The following ROBO2 variants were observed in gnomAD, a reference collection of about 807,000 sequenced individuals.
ROBO2 encodes the protein roundabout guidance receptor 2.
ROBO2 carries 53 observed loss-of-function variants against 160.8 expected under a neutral mutation model. The observed-to-expected ratio is 0.33, with a 90% confidence interval of 0.26 to 0.41. ROBO2 has a LOEUF of 0.41. Among genes scored for constraint, ROBO2 ranks in the 10% least tolerant of loss-of-function variants. The pLI, the probability that ROBO2 is intolerant of heterozygous loss-of-function variation, is 1.00. For missense variants in ROBO2, 1,577 were observed against 1,722.4 expected (o/e 0.92, Z 1.49); for synonymous variants, 664 against 611.7 (o/e 1.09, Z -1.26).
intron 2 of ROBO2, among the ~76,000 whole-genome samples, chr3:76,410,440 T>A (rs2075429241): frequency 6.6e-6 from 1 of 152,132 alleles, no homozygotes; most frequent in Non-Finnish European, 1.5e-5. Context: ...ATTTAGAATA[T>A]TGAAATGGAT....
intron 2 of ROBO2, among the ~76,000 whole-genome samples, chr3:76,607,800 C>T (rs76136616): frequency 0.014 from 2,197 of 152,310 alleles, 62 homozygotes; most frequent in African/African-American, 0.049. Flanking sequence ...TCTCTTATCA[C>T]GTAGAAAACA....
intron 2 of ROBO2, among the ~76,000 whole-genome samples, chr3:76,797,353 G>T (rs1231067906): frequency 6.6e-6 from 1 of 151,892 alleles, no homozygotes; most frequent in African/African-American, 2.4e-5. Context: ...GGTCAATGAA[G>T]AAATTAAGAA....
intron 2 of ROBO2, among the ~76,000 whole-genome samples, chr3:76,851,741 C>CA (rs71104629): frequency 0.073 from 4,566 of 62,310 alleles, 233 homozygotes; most frequent in South Asian, 0.099. Flanking sequence ...GACTCCGTCT[C>CA]AAAAAAAAAA....
chr3:76,207,769 T>A (rs1702901223), intron 2 of ROBO2, among the ~76,000 whole-genome samples: 1 of 152,220 alleles, frequency 6.6e-6, no homozygotes, highest in Non-Finnish European at 1.5e-5. Flanking sequence ...GCGATGTTTC[T>A]CTTATATGTA....
chr3:76,045,106 A>G (rs2067407855), intron 2 of ROBO2, among the ~76,000 whole-genome samples: 1 of 151,976 alleles, frequency 6.6e-6, no homozygotes, highest in African/African-American at 2.4e-5. Flanking sequence ...TTTTATTTTC[A>G]TCAAATCTTG....
At chr3:76,952,562 G>A (rs936398131) in intron 2 of ROBO2, among the ~76,000 whole-genome samples, 5 of 152,248 alleles carry the variant, frequency 3.3e-5, no homozygotes, top group East Asian at 1.9e-4. Context: ...GATTACAGGC[G>A]TGAGCCACTG....
chr3:76,464,514 T>C (rs1050511358), intron 2 of ROBO2, among the ~76,000 whole-genome samples: 1 of 151,740 alleles, frequency 6.6e-6, no homozygotes, highest in African/African-American at 2.4e-5. Context: ...CAATATATAC[T>C]CAATAAAACC....
At chr3:76,011,892 A>G (rs914968286) in intron 2 of ROBO2, among the ~76,000 whole-genome samples, 2 of 152,168 alleles carry the variant, frequency 1.3e-5, no homozygotes, top group African/African-American at 2.4e-5. Context: ...TAAGGATACA[A>G]TATTGTTTCC....
chr3:76,060,724 T>A, intron 2 of ROBO2, among the ~76,000 whole-genome samples: 1 of 152,222 alleles, frequency 6.6e-6, no homozygotes, highest in East Asian at 1.9e-4. Flanking sequence ...TTACAACTCT[T>A]GAATTTTTTC....
chr3:76,399,710 G>A (rs1312457844), intron 2 of ROBO2, among the ~76,000 whole-genome samples: 1 of 151,688 alleles, frequency 6.6e-6, no homozygotes, highest in African/African-American at 2.4e-5. Flanking sequence ...CAAAGAATAA[G>A]GGATAGAATA....
chr3:76,295,694 A>G (rs922084189), intron 2 of ROBO2, among the ~76,000 whole-genome samples: 3 of 152,194 alleles, frequency 2.0e-5, no homozygotes, highest in Non-Finnish European at 4.4e-5. Flanking sequence ...GCCTTTATCA[A>G]GAAAACATTA....
At position 76,413,796 on chromosome 3, in the gene ROBO2, A is replaced by G. The variant is rs1184162722; in HGVS notation, c.109+476194A>G. 2.6e-5 allele frequency among the ~76,000 whole-genome samples: 4 copies of G among 151,726 alleles called. No individual in the cohort carries two copies. The East Asian group carries it at 7.8e-4, about 29-fold the overall frequency. Reference sequence around the variant, plus strand: ...TGAGCCCTCCAAACTGTTCATTCCAACCTCTGCCTGTTACCCAGTTCCAAA... The same window carrying G: ...TGAGCCCTCCAAACTGTTCATTCCAGCCTCTGCCTGTTACCCAGTTCCAAA... On this transcript the variant is annotated intron_variant, in intron 2 of 26. Coordinates refer to the ROBO2 transcript ENST00000487694.
intron 17 of ROBO2, among the ~76,000 whole-genome samples, chr3:77,593,600 C>G (rs1583164945): frequency 6.6e-6 from 1 of 152,246 alleles, no homozygotes. Context: ...CCCTGATATG[C>G]TTTACTGTCT....
At chr3:76,147,105 C>G (rs1034703336) in intron 2 of ROBO2, among the ~76,000 whole-genome samples, 10 of 150,104 alleles carry the variant, frequency 6.7e-5, no homozygotes, top group Admixed American at 2.0e-4. Flanking sequence ...CACATGTACC[C>G]CAAACTTAAA....
At chr3:76,073,543 A>G (rs1028809877) in intron 2 of ROBO2, among the ~76,000 whole-genome samples, 4 of 152,022 alleles carry the variant, frequency 2.6e-5, no homozygotes, top group South Asian at 4.2e-4. Context: ...CACCCGCCTC[A>G]GCCTCCCAAA....
At chr3:76,304,897 T>C (rs1480010778) in intron 2 of ROBO2, among the ~76,000 whole-genome samples, 3 of 151,704 alleles carry the variant, frequency 2.0e-5, no homozygotes, top group Non-Finnish European at 4.4e-5. Flanking sequence ...ACTGGGCCCT[T>C]TCCAGCACTC....
chr3:76,594,264 A>G (rs1253318998), intron 2 of ROBO2, among the ~76,000 whole-genome samples: 1 of 151,986 alleles, frequency 6.6e-6, no homozygotes, highest in African/African-American at 2.4e-5. Flanking sequence ...TCCTAACCTA[A>G]CCTAATGCTT....
chr3:76,789,892 C>T (rs1305643485), intron 2 of ROBO2, among the ~76,000 whole-genome samples: 3 of 151,578 alleles, frequency 2.0e-5, no homozygotes, highest in Non-Finnish European at 4.4e-5. Flanking sequence ...TACAACTCTC[C>T]CAATTCTATA....
At chr3:76,045,285 C>T (rs904141733) in intron 2 of ROBO2, among the ~76,000 whole-genome samples, 3 of 152,016 alleles carry the variant, frequency 2.0e-5, no homozygotes, top group Admixed American at 6.5e-5. Flanking sequence ...CCTCTAGCTG[C>T]TCTCACTCAA....
Sources: gnomAD v4.1 joint callset for allele counts (sites outside exome capture counted in the v4.1 genomes callset) on GRCh38, gnomAD v4.1.1 for gene constraint, MANE v1.5 for transcripts, NCBI Gene and HGNC (gene_info 2026-07-23, HGNC 2026-07-21) for gene names.